TDRD3: variants seen among roughly 807,000 people sequenced by gnomAD.
TDRD3 encodes tudor domain-containing protein 3.
TDRD3 carries 45 observed loss-of-function variants against 86.7 expected under a neutral mutation model. The ratio of observed to expected loss-of-function variants is 0.52; its 90% confidence interval spans 0.41 to 0.67. The LOEUF (loss-of-function observed/expected upper bound fraction) is 0.67. Among genes scored for constraint, TDRD3 ranks in the 30% least tolerant of loss-of-function variants. The probability of loss-of-function intolerance (pLI) is 0.00; values close to 1 mark genes in which losing one functional copy is unlikely to be tolerated. For missense variants in TDRD3, 814 were observed against 889.0 expected, an observed-to-expected ratio of 0.92 and a Z score of 1.07; for synonymous variants, 298 against 301.7, an observed-to-expected ratio of 0.99 and a Z score of 0.13.
At chr13:60,473,868 G>T (rs559213660) in intron 5 of TDRD3, among the ~76,000 whole-genome samples, 2 of 152,100 alleles carry the variant, frequency 1.3e-5, no homozygotes, top group African/African-American at 4.8e-5. Context: ...TTGGCCTAGC[G>T]GTAGCGTCAG....
Position 60,439,790 on chromosome 13 carries a change from A to C in TDRD3, c.126+18A>C. The stretch of plus-strand genomic sequence containing the variant: ...CTCTCAATGTAGGTTATATTTATTA[A>C]CTTGTAAACATTTGAAATCTGGAAG... On this transcript the variant is annotated intron_variant, in intron 2 of 13. Transcript: ENST00000377881. 3 of 1,461,124 alleles carry C rather than the reference A, an allele frequency of 2.1e-6. No homozygotes were observed. Among genetic ancestry groups the C allele is most frequent in the African/African-American group, 1.4e-5 (1 of 69,720 alleles). 90.5% of individuals were successfully genotyped at this position (1,461,124 alleles called of 1,614,324 possible).
At chr13:60,565,706 C>CA (rs1033119426) in intron 12 of TDRD3, among the ~76,000 whole-genome samples, 1 of 152,148 alleles carries the variant, frequency 6.6e-6, no homozygotes, top group African/African-American at 2.4e-5. Flanking sequence ...ATAATTACTT[C>CA]ATCTCCTACA....
intron 5 of TDRD3, among the ~76,000 whole-genome samples, chr13:60,480,500 G>A (rs1956285820): frequency 6.6e-6 from 1 of 152,096 alleles, no homozygotes; most frequent in African/African-American, 2.4e-5. Context: ...TGTCACAGAG[G>A]TTCTTTGAAT....
intron 1 of TDRD3, among the ~76,000 whole-genome samples, chr13:60,416,237 G>T (rs1274230170): frequency 6.6e-6 from 1 of 152,114 alleles, no homozygotes; most frequent in Non-Finnish European, 1.5e-5. Context: ...TTTAGAGGAA[G>T]ATGTGGAAGT....
At chr13:60,495,327 C>A (rs1050191082) in intron 8 of TDRD3, among the ~76,000 whole-genome samples, 5 of 152,160 alleles carry the variant, frequency 3.3e-5, no homozygotes, top group African/African-American at 1.2e-4. Context: ...TCACCTTACC[C>A]ACTGCCTAAA....
chr13:60,507,982 T>A (rs1042467848), intron 8 of TDRD3, among the ~76,000 whole-genome samples: 1 of 152,130 alleles, frequency 6.6e-6, no homozygotes, highest in Non-Finnish European at 1.5e-5. Context: ...ACTGGTCATA[T>A]ACAAACAGAG....
chr13:60,535,854 A>G (rs955326480), intron 12 of TDRD3: 2 of 152,114 alleles, frequency 1.3e-5, no homozygotes, highest in Non-Finnish European at 2.9e-5. Context: ...TAAAGAACTT[A>G]TGTGATTTTA....
At chr13:60,550,489 T>C (rs763448678) in intron 12 of TDRD3, among the ~76,000 whole-genome samples, 1 of 152,092 alleles carries the variant, frequency 6.6e-6, no homozygotes, top group Non-Finnish European at 1.5e-5. Flanking sequence ...GAAAAAACTT[T>C]AACTTGCATG....
intron 12 of TDRD3, among the ~76,000 whole-genome samples, chr13:60,557,120 C>T (rs1469648431): frequency 1.3e-5 from 2 of 150,596 alleles, no homozygotes; most frequent in Non-Finnish European, 2.9e-5. Context: ...GCAGGAGAAT[C>T]GCTTGAACCC....
chr13:60,415,598 T>C (rs1458963572), intron 1 of TDRD3, among the ~76,000 whole-genome samples: 1 of 152,174 alleles, frequency 6.6e-6, no homozygotes, highest in Non-Finnish European at 1.5e-5. Context: ...ACTTAAAGAA[T>C]ATGAGAATTT....
At chr13:60,527,169 C>G (rs937419699) in intron 10 of TDRD3, among the ~76,000 whole-genome samples, 18 of 152,230 alleles carry the variant, frequency 1.2e-4, no homozygotes, top group African/African-American at 4.3e-4. Flanking sequence ...AATCAGTGAC[C>G]TGTTTTGTCA....
At chr13:60,483,751 T>A (rs370013061) in intron 5 of TDRD3, 24 bp from the exon 6 acceptor site, 10 of 1,598,634 alleles carry the variant, frequency 6.3e-6, no homozygotes, top group Non-Finnish European at 7.7e-6. Flanking sequence ...TAACTGCTCT[T>A]TTGTGACTGG....
chr13:60,499,120 A>T (rs1224211386), intron 8 of TDRD3, among the ~76,000 whole-genome samples: 3 of 152,160 alleles, frequency 2.0e-5, no homozygotes, highest in Admixed American at 6.5e-5. Context: ...AAAAATAGTA[A>T]ATCAAAAACA....
chr13:60,434,130 G>A lies in TDRD3; in HGVS notation c.42-5558G>A, dbSNP rs546983879. 3.3e-5 allele frequency: 5 copies of A among 152,206 alleles called. No individual in the cohort carries two copies. In the South Asian group the frequency reaches 8.3e-4, roughly 25 times the overall value. 9.4% of individuals were successfully genotyped at this position (152,206 alleles called of 1,614,324 possible). On this transcript the variant is annotated intron_variant, in intron 1 of 13. Transcript: ENST00000377881. The stretch of plus-strand genomic sequence containing the variant: ...GAATTTTGACATCTCATAAATAGAA[G>A]CATTTACTAAAGGAAGCATTTTCTA...
intron 8 of TDRD3, among the ~76,000 whole-genome samples, chr13:60,496,343 A>ATATATATATC (rs1339973715): frequency 8.7e-5 from 8 of 91,564 alleles, no homozygotes; most frequent in Admixed American, 3.7e-4. Flanking sequence ...ATATATATAT[A>ATATATATATC]TCCTCTAAAG....
In TDRD3 at chr13:60,494,565, A is replaced by G; in HGVS notation, c.848A>G (p.Tyr283Cys). Residue 283 changes from tyrosine (Y) to cysteine (C), a missense_variant, in exon 8 of 14, where the codon TAT becomes TGT. By Grantham distance (194) the Tyr-to-Cys change is radical. Coordinates refer to ENST00000377881, the MANE Select transcript of TDRD3 (RefSeq NM_001146070.2). Reference sequence around the variant, plus strand: ...TCAGAGGGAAAACATGAAGGTGTCTATAGAGAACTGGTAAGGCTAAAGAAC... The same window carrying G: ...TCAGAGGGAAAACATGAAGGTGTCTGTAGAGAACTGGTAAGGCTAAAGAAC... ...TKSEGKHEGV[Y>C]RELVDEKALK... The G allele has an allele frequency of 6.2e-7, 1 of 1,613,544 alleles. No homozygotes were observed. The highest frequency in any genetic ancestry group is 8.5e-7 in the Non-Finnish European group (1 of 1,179,706).
At chr13:60,423,725 T>A (rs1954721470) in intron 1 of TDRD3, among the ~76,000 whole-genome samples, 1 of 152,106 alleles carries the variant, frequency 6.6e-6, no homozygotes, top group Admixed American at 6.5e-5. Context: ...TACAATTAAG[T>A]GTATTTAATT....
At chr13:60,453,146 A>G (rs1372245408) in intron 3 of TDRD3, among the ~76,000 whole-genome samples, 1 of 152,208 alleles carries the variant, frequency 6.6e-6, no homozygotes, top group African/African-American at 2.4e-5. Flanking sequence ...AATATATAGC[A>G]AAAGCTAAAT....
At chr13:60,567,007 A>C (rs748683088) in intron 12 of TDRD3, among the ~76,000 whole-genome samples, 2 of 152,176 alleles carry the variant, frequency 1.3e-5, no homozygotes, top group Non-Finnish European at 2.9e-5. Context: ...CTCTAGATGT[A>C]AGGTTCTTAA....
Sources: gnomAD v4.1 joint callset for allele counts (sites outside exome capture counted in the v4.1 genomes callset) on GRCh38, gnomAD v4.1.1 for gene constraint, MANE v1.5 for transcripts, NCBI Gene and HGNC (gene_info 2026-07-23, HGNC 2026-07-21) for gene names.